Variants in DMD observed in about 807,000 individuals in gnomAD.
The protein encoded by DMD is mutant dystrophin.
DMD carries 63 observed loss-of-function variants against 330.1 expected under a neutral mutation model. The ratio of observed to expected loss-of-function variants is 0.19; its 90% CI spans 0.16 to 0.24. The LOEUF (loss-of-function observed/expected upper bound fraction) is 0.24, where lower values mean the gene tolerates loss of function less well. DMD is among the 10% of genes least tolerant of loss of function. The pLI, the probability that DMD is intolerant of heterozygous loss-of-function variation, is 1.00. For synonymous variants in DMD, 1,223 were observed against 959.8 expected, an observed-to-expected ratio of 1.27 and a Z score of -5.07; for missense variants, 3,344 against 2,684.1, an observed-to-expected ratio of 1.25 and a Z score of -5.43.
chrX:33,258,681 C>A (rs2052899729), intron 1 of DMD, among the ~76,000 whole-genome samples: 1 of 110,573 alleles, frequency 9.0e-6, no homozygotes, highest in Non-Finnish European at 1.9e-5. Context: ...GTCTTTAGAG[C>A]CCTGATATAA....
chrX:32,701,687 A>G (rs773866516), intron 7 of DMD, among the ~76,000 whole-genome samples: 17 of 111,506 alleles, frequency 1.5e-4, no homozygotes, highest in Non-Finnish European at 2.8e-4. Flanking sequence ...GTGAGAAAAC[A>G]AAAAGGGTTG....
intron 29 of DMD, among the ~76,000 whole-genome samples, chrX:32,437,224 C>T (rs1200241941): frequency 3.6e-5 from 4 of 111,888 alleles, no homozygotes; most frequent in African/African-American, 1.3e-4. Flanking sequence ...ATCCCCAATT[C>T]CTTATGTTGA....
At chrX:32,624,495 G>A (rs1007619833) in intron 11 of DMD, among the ~76,000 whole-genome samples, 13 of 111,807 alleles carry the variant, frequency 1.2e-4, no homozygotes, top group African/African-American at 3.6e-4. Flanking sequence ...CGACATTTTT[G>A]ATATATTGTT....
At chrX:31,337,586 G>A (rs763353534) in intron 61 of DMD, among the ~76,000 whole-genome samples, 2 of 112,343 alleles carry the variant, frequency 1.8e-5, no homozygotes, top group South Asian at 7.4e-4. Flanking sequence ...CACTATTTCT[G>A]TTGTGCAAAG....
chrX:31,756,924 G>A (rs1014993422), intron 51 of DMD, among the ~76,000 whole-genome samples: 3 of 110,284 alleles, frequency 2.7e-5, no homozygotes, highest in African/African-American at 9.8e-5. Flanking sequence ...AATGGGAAGA[G>A]TTGGATAAAC....
intron 1 of DMD, among the ~76,000 whole-genome samples, chrX:33,076,484 C>T (rs2094843214): frequency 9.0e-6 from 1 of 111,348 alleles, no homozygotes; most frequent in African/African-American, 3.3e-5. Context: ...TAAACTAGAA[C>T]TTTAGGGTGA....
intron 41 of DMD, among the ~76,000 whole-genome samples, chrX:32,338,057 T>C (rs760229447): frequency 8.9e-6 from 1 of 111,805 alleles, no homozygotes; most frequent in African/African-American, 3.2e-5. Flanking sequence ...TATTTTGCCT[T>C]AATTCTTGAA....
intron 43 of DMD, among the ~76,000 whole-genome samples, chrX:32,250,779 G>A (rs1167947013): frequency 3.6e-5 from 4 of 111,837 alleles, no homozygotes; most frequent in Non-Finnish European, 7.5e-5. Context: ...ACATCTCCTG[G>A]CTTTCTTCAT....
intron 45 of DMD, among the ~76,000 whole-genome samples, chrX:31,963,662 T>C (rs999776471): frequency 9.1e-6 from 1 of 110,409 alleles, no homozygotes; most frequent in Non-Finnish European, 1.9e-5. Context: ...ATAGGCAAAG[T>C]CCAAGGTGAG....
chrX:32,517,850 G>A, intron 18 of DMD, 158 bp downstream of exon 18: 3 of 608,163 alleles, frequency 4.9e-6, no homozygotes, highest in Non-Finnish European at 7.8e-6. Context: ...GCTAAACTTT[G>A]ATTTTGCTTG....
chrX:32,716,349 C>A (rs957065327), intron 7 of DMD, among the ~76,000 whole-genome samples: 6 of 110,063 alleles, frequency 5.5e-5, no homozygotes, highest in Non-Finnish European at 1.1e-4. Context: ...TAGTACTGCC[C>A]CCTGCTTTCT....
chrX:32,215,252 T>C (rs920594900), intron 44 of DMD, among the ~76,000 whole-genome samples: 1 of 111,348 alleles, frequency 9.0e-6, no homozygotes, highest in African/African-American at 3.3e-5. Context: ...TTAAGGAGCC[T>C]AATAAATGTA....
intron 9 of DMD, among the ~76,000 whole-genome samples, chrX:32,683,268 C>T (rs7886000): frequency 0.15 from 16,431 of 110,090 alleles, 2,906 homozygotes; most frequent in African/African-American, 0.5. Flanking sequence ...AGAAATACCA[C>T]TTGACCCAGC....
At chrX:32,003,251 C>T (rs1176730472) in intron 44 of DMD, among the ~76,000 whole-genome samples, 2 of 112,029 alleles carry the variant, frequency 1.8e-5, no homozygotes, top group Admixed American at 9.5e-5. Context: ...ATCTCTAATG[C>T]TACTGTTTAC....
chrX:32,103,687 C>A (rs1027309901), intron 44 of DMD, among the ~76,000 whole-genome samples: 3 of 112,197 alleles, frequency 2.7e-5, no homozygotes, highest in African/African-American at 9.7e-5. Flanking sequence ...ACGACTCTTC[C>A]TGACTCAGAT....
chrX:33,167,099 C>T (rs2049096097), intron 1 of DMD, among the ~76,000 whole-genome samples: 1 of 111,166 alleles, frequency 9.0e-6, no homozygotes, highest in Non-Finnish European at 1.9e-5. Context: ...TTATTAAAAA[C>T]TGACGTATTT....
chrX:32,397,950 T>A (rs1307667561), intron 30 of DMD, among the ~76,000 whole-genome samples: 1 of 111,248 alleles, frequency 9.0e-6, no homozygotes, highest in African/African-American at 3.3e-5. Context: ...ATTAAAATAC[T>A]TCATGTTGAG....
At chrX:32,972,119 C>T (rs1056860765) in intron 2 of DMD, among the ~76,000 whole-genome samples, 2 of 111,352 alleles carry the variant, frequency 1.8e-5, no homozygotes, top group Non-Finnish European at 3.8e-5. Context: ...ATAACCTTGG[C>T]TTTTAATCAA....
At chrX:32,335,882 TTATA>T (rs1201875992) in intron 41 of DMD, among the ~76,000 whole-genome samples, 1 of 105,297 alleles carries the variant, frequency 9.5e-6, no homozygotes, top group Non-Finnish European at 1.9e-5. Context: ...GTATAACATG[TTATA>T]TATAACATGT....
Sources: allele counts gnomAD v4.1 joint callset (sites outside exome capture counted in the v4.1 genomes callset), GRCh38; gene constraint gnomAD v4.1.1; transcripts MANE v1.5; gene names NCBI Gene and HGNC (gene_info 2026-07-23, HGNC 2026-07-21).